CPQ: variants seen among roughly 807,000 people sequenced by gnomAD.
CPQ encodes carboxypeptidase Q.
A neutral mutation model predicts 45.7 loss-of-function variants in CPQ; 37 were observed. The observed-to-expected ratio is 0.81, with a 90% CI of 0.62 to 1.07. The LOEUF (loss-of-function observed/expected upper bound fraction) is 1.07, where lower values mean the gene tolerates loss of function less well. Ranked by LOEUF, CPQ falls within the 50% of genes least tolerant of loss-of-function variation. The probability of loss-of-function intolerance (pLI) is 0.00; values close to 1 mark genes in which losing one functional copy is unlikely to be tolerated. For synonymous variants in CPQ, 186 were observed against 205.8 expected, an observed-to-expected ratio of 0.90 and a Z score of 0.82; for missense variants, 537 against 572.9, an observed-to-expected ratio of 0.94 and a Z score of 0.64.
intron 1 of CPQ, among the ~76,000 whole-genome samples, chr8:96,727,831 G>A (rs1232417916): frequency 6.6e-6 from 1 of 152,114 alleles, no homozygotes; most frequent in Admixed American, 6.5e-5. Flanking sequence ...TTGCTCCCAG[G>A]ACTTCTGATT....
At chr8:97,024,204 G>A (rs997038718) in intron 5 of CPQ, among the ~76,000 whole-genome samples, 39 of 151,968 alleles carry the variant, frequency 2.6e-4, no homozygotes, top group South Asian at 2.1e-4. Context: ...TCCCTGCTCC[G>A]GGACCTTAGT....
intron 2 of CPQ, among the ~76,000 whole-genome samples, chr8:96,814,404 A>G (rs1811198726): frequency 6.6e-6 from 1 of 152,168 alleles, no homozygotes; most frequent in Admixed American, 6.6e-5. Context: ...TGGCCACAAA[A>G]CTGTGAAGGG....
chr8:96,791,645 T>C (rs1045942961), intron 2 of CPQ, among the ~76,000 whole-genome samples: 3 of 152,202 alleles, frequency 2.0e-5, no homozygotes, highest in Non-Finnish European at 4.4e-5. Flanking sequence ...TTTTAAGCTC[T>C]GAAGAGACTG....
chr8:96,649,068 C>T (rs907490050), intron 1 of CPQ, among the ~76,000 whole-genome samples: 4 of 152,268 alleles, frequency 2.6e-5, no homozygotes, highest in African/African-American at 7.2e-5. Flanking sequence ...CTTCCGCCTC[C>T]CGGTTCAAGT....
At chr8:96,736,397 TCTA>T (rs1243830387) in intron 1 of CPQ, among the ~76,000 whole-genome samples, 2 of 152,198 alleles carry the variant, frequency 1.3e-5, no homozygotes, top group Non-Finnish European at 2.9e-5. Flanking sequence ...ATGTTATGAT[TCTA>T]CTATTTCTTT....
chr8:96,751,522 A>G (rs1177842378), intron 1 of CPQ, among the ~76,000 whole-genome samples: 1 of 152,254 alleles, frequency 6.6e-6, no homozygotes, highest in East Asian at 1.9e-4. Context: ...AGTTCTTTGT[A>G]GATTCTAGAT....
At chr8:96,712,305 T>A (rs886495681) in intron 1 of CPQ, among the ~76,000 whole-genome samples, 1 of 152,148 alleles carries the variant, frequency 6.6e-6, no homozygotes, top group African/African-American at 2.4e-5. Flanking sequence ...GAATCTAGCA[T>A]TCTGGTATCT....
chr8:96,852,833 A>G (rs917269047), intron 3 of CPQ, among the ~76,000 whole-genome samples: 1 of 152,154 alleles, frequency 6.6e-6, no homozygotes, highest in Admixed American at 6.5e-5. Flanking sequence ...TTATTTGTTC[A>G]TGGTTGACCC....
chr8:96,701,290 A>G (rs1809454700), intron 1 of CPQ, among the ~76,000 whole-genome samples: 1 of 152,196 alleles, frequency 6.6e-6, no homozygotes, highest in Non-Finnish European at 1.5e-5. Flanking sequence ...AGAAGATTAA[A>G]TGAAATAAAT....
chr8:97,121,746 TTA>T (rs1264573973), intron 7 of CPQ, among the ~76,000 whole-genome samples: 1 of 151,944 alleles, frequency 6.6e-6, no homozygotes, highest in Non-Finnish European at 1.5e-5. Flanking sequence ...TAAGCAACTA[TTA>T]TACATATATT....
At chr8:96,665,875 A>G (rs1808918737) in intron 1 of CPQ, among the ~76,000 whole-genome samples, 1 of 152,156 alleles carries the variant, frequency 6.6e-6, no homozygotes, top group Non-Finnish European at 1.5e-5. Context: ...TATATTTTAA[A>G]TGTAGGTTTT....
rs1035074668 is a variant in CPQ, at chr8:96,870,223, A to G, written c.642-9575A>G. 2.6e-5 allele frequency among the ~76,000 whole-genome samples: 4 copies of G among 152,076 alleles called. No homozygotes were observed. The East Asian group carries it at 7.7e-4, about 29-fold the overall frequency. ...AAGATTAAAAGGTGCTGCATTACTTAAATAGGTTCCCTTAAACCTGGAAAG... is the reference window on the plus strand; with the variant it reads ...AAGATTAAAAGGTGCTGCATTACTTGAATAGGTTCCCTTAAACCTGGAAAG... On this transcript the variant is annotated intron_variant, in intron 3 of 7. Coordinates refer to ENST00000220763, the MANE Select transcript of CPQ (RefSeq NM_016134.4).
At chr8:96,837,033 A>T (rs1201847525) in intron 3 of CPQ, among the ~76,000 whole-genome samples, 1 of 152,158 alleles carries the variant, frequency 6.6e-6, no homozygotes, top group African/African-American at 2.4e-5. Context: ...GCACTTTAGA[A>T]TCTTTCCCAT....
chr8:97,044,043 T>G (rs1193908487), intron 6 of CPQ, among the ~76,000 whole-genome samples: 1 of 152,340 alleles, frequency 6.6e-6, no homozygotes, highest in African/African-American at 2.4e-5. Context: ...CTTGCTAGAT[T>G]GGGGAAGTTC....
At chr8:96,692,207 T>A (rs1292348449) in intron 1 of CPQ, among the ~76,000 whole-genome samples, 1 of 152,194 alleles carries the variant, frequency 6.6e-6, no homozygotes, top group Non-Finnish European at 1.5e-5. Flanking sequence ...AAGTGAGTGG[T>A]CTGATCCTGC....
chr8:96,769,491 C>T (rs933326502), intron 1 of CPQ, among the ~76,000 whole-genome samples: 1 of 152,114 alleles, frequency 6.6e-6, no homozygotes, highest in African/African-American at 2.4e-5. Context: ...GGCAGCCACC[C>T]TCATGGTCAG....
At chr8:97,048,861 A>G (rs1563565876) in intron 6 of CPQ, among the ~76,000 whole-genome samples, 1 of 152,228 alleles carries the variant, frequency 6.6e-6, no homozygotes, top group Non-Finnish European at 1.5e-5. Context: ...CTTGTAGGCA[A>G]TTACCTTAAT....
chr8:96,816,167 C>A (rs1345898968), intron 2 of CPQ, among the ~76,000 whole-genome samples: 2 of 152,140 alleles, frequency 1.3e-5, no homozygotes, highest in African/African-American at 2.4e-5. Flanking sequence ...GGAGCCAGTT[C>A]TCTCAAATCC....
chr8:97,142,953 G>A, intron 7 of CPQ, 67 bp from the exon 8 acceptor site: 4 of 1,488,742 alleles, frequency 2.7e-6, no homozygotes, highest in South Asian at 2.4e-5. Flanking sequence ...AGTGAAGGGG[G>A]AGAGGTGTGT....
Sources: allele counts gnomAD v4.1 joint callset (sites outside exome capture counted in the v4.1 genomes callset), GRCh38; gene constraint gnomAD v4.1.1; transcripts MANE v1.5; gene names NCBI Gene and HGNC (gene_info 2026-07-23, HGNC 2026-07-21).